Variants in DDX10 observed in about 807,000 individuals in gnomAD.
DDX10 encodes probable ATP-dependent RNA helicase DDX10.
Under a neutral mutation model 104.3 loss-of-function variants are expected in DDX10, and 74 were observed. The observed-to-expected ratio is 0.71, with a 90% CI of 0.59 to 0.86. The LOEUF is 0.86. DDX10 is among the 40% of genes least tolerant of loss of function. DDX10 has a pLI of 0.00. For synonymous variants in DDX10, 351 were observed against 353.4 expected (o/e 0.99, Z 0.08); for missense variants, 952 against 1,040.0 (o/e 0.92, Z 1.16).
chr11:108,687,816 A>G (rs907947131), intron 6 of DDX10, among the ~76,000 whole-genome samples: 3 of 152,158 alleles, frequency 2.0e-5, no homozygotes, highest in African/African-American at 7.2e-5. Context: ...CCCTTTGTGG[A>G]TCATAACTTA....
chr11:108,937,393 G>C (rs370844283), intron 17 of DDX10, among the ~76,000 whole-genome samples: 2 of 152,052 alleles, frequency 1.3e-5, no homozygotes, highest in African/African-American at 4.8e-5. Context: ...TCAATTTCTC[G>C]GATTATTTTG....
intron 13 of DDX10, among the ~76,000 whole-genome samples, chr11:108,836,837 CCTT>C (rs1389403374): frequency 6.6e-6 from 1 of 152,122 alleles, no homozygotes; most frequent in Non-Finnish European, 1.5e-5. Flanking sequence ...GTTAATATCT[CCTT>C]ATTAAATGAT....
chr11:108,867,866 G>A (rs1404204819), intron 16 of DDX10, among the ~76,000 whole-genome samples: 2 of 152,098 alleles, frequency 1.3e-5, no homozygotes, highest in South Asian at 2.1e-4. Context: ...GGACCCAGAG[G>A]GCACTACTTT....
At chr11:108,823,761 T>C (rs191418506) in intron 13 of DDX10, among the ~76,000 whole-genome samples, 20 of 152,380 alleles carry the variant, frequency 1.3e-4, no homozygotes, top group Admixed American at 5.2e-4. Flanking sequence ...AACTCTGCTT[T>C]AAGCCGCACT....
At chr11:108,830,725 T>G (rs1351993126) in intron 13 of DDX10, among the ~76,000 whole-genome samples, 6 of 151,980 alleles carry the variant, frequency 3.9e-5, no homozygotes, top group Non-Finnish European at 7.3e-5. Context: ...GCTATGTCCC[T>G]TCTTTGCTAA....
chr11:108,671,162 G>C (rs1189412961), intron 1 of DDX10, among the ~76,000 whole-genome samples: 1 of 152,140 alleles, frequency 6.6e-6, no homozygotes, highest in Non-Finnish European at 1.5e-5. Context: ...ATAAAGGGAA[G>C]GAGAAAGAGT....
intron 16 of DDX10, among the ~76,000 whole-genome samples, chr11:108,869,401 A>G (rs1031266783): frequency 6.6e-6 from 1 of 152,124 alleles, no homozygotes; most frequent in Non-Finnish European, 1.5e-5. Context: ...TGATATTTGA[A>G]CTTCAGAAAC....
At chr11:108,775,699 C>G (rs185113319) in intron 13 of DDX10, among the ~76,000 whole-genome samples, 210 of 152,204 alleles carry the variant, frequency 1.4e-3, no homozygotes, top group African/African-American at 4.9e-3. Context: ...GTTACTTTCT[C>G]AATATAAATC....
intron 16 of DDX10, among the ~76,000 whole-genome samples, chr11:108,872,828 C>A (rs904193629): frequency 3.3e-5 from 5 of 150,684 alleles, no homozygotes; most frequent in Admixed American, 6.6e-5. Flanking sequence ...GTTCCCCCCC[C>A]CTCCCATTTC....
chr11:108,928,470 A>G (rs944457552), intron 17 of DDX10, among the ~76,000 whole-genome samples: 1 of 151,942 alleles, frequency 6.6e-6, no homozygotes, highest in Non-Finnish European at 1.5e-5. Flanking sequence ...TAGTTTTGGA[A>G]TATTGATCTA....
chr11:108,852,093 T>G, intron 15 of DDX10, 60 bp from the exon 16 acceptor site: 1 of 1,282,502 alleles, frequency 7.8e-7, no homozygotes, highest in Non-Finnish European at 1.1e-6. Context: ...GTAATGAATG[T>G]GTAGTCTGTT....
chr11:108,686,072 C>A (rs921628071), intron 6 of DDX10, among the ~76,000 whole-genome samples: 73 of 152,238 alleles, frequency 4.8e-4, no homozygotes, highest in African/African-American at 1.7e-3. Flanking sequence ...ATAGATATGG[C>A]CTATTTCTTC....
chr11:108,769,726 T>G (rs1259691631), intron 13 of DDX10, among the ~76,000 whole-genome samples: 2 of 152,184 alleles, frequency 1.3e-5, no homozygotes, highest in Non-Finnish European at 2.9e-5. Flanking sequence ...AGGTCCTATT[T>G]TATATTTGCT....
intron 13 of DDX10, among the ~76,000 whole-genome samples, chr11:108,764,082 C>A (rs1222857009): frequency 6.6e-6 from 1 of 152,140 alleles, no homozygotes; most frequent in African/African-American, 2.4e-5. Context: ...AATGGAAAAT[C>A]TTTAGAACTT....
chr11:108,884,351 C>G (rs558483525), intron 16 of DDX10, among the ~76,000 whole-genome samples: 3 of 152,244 alleles, frequency 2.0e-5, no homozygotes, highest in African/African-American at 7.2e-5. Context: ...TTGATGATCC[C>G]TATTCTAGAA....
intron 9 of DDX10, among the ~76,000 whole-genome samples, chr11:108,697,424 A>G (rs776833438): frequency 3.3e-5 from 5 of 152,188 alleles, no homozygotes; most frequent in Admixed American, 6.5e-5. Flanking sequence ...CAATTGAACT[A>G]TAATATATCG....
intron 16 of DDX10, among the ~76,000 whole-genome samples, chr11:108,871,694 G>A (rs1359312415): frequency 2.0e-5 from 3 of 152,108 alleles, no homozygotes; most frequent in Non-Finnish European, 4.4e-5. Flanking sequence ...TTGGCAGGCC[G>A]AGGTGGGTGT....
chr11:108,725,628 T>G (rs1323402801), intron 13 of DDX10, among the ~76,000 whole-genome samples: 1 of 152,108 alleles, frequency 6.6e-6, no homozygotes, highest in African/African-American at 2.4e-5. Flanking sequence ...CTTCAAGTCT[T>G]TTGTCTCTCT....
At chr11:108,727,712 T>C (rs899338980) in intron 13 of DDX10, 1 of 156,398 alleles carries the variant, frequency 6.4e-6, no homozygotes, top group African/African-American at 2.4e-5. Flanking sequence ...TTTTTTAAAA[T>C]GTTAACTACT....
Sources: gnomAD v4.1 joint callset for allele counts (sites outside exome capture counted in the v4.1 genomes callset) on GRCh38, gnomAD v4.1.1 for gene constraint, MANE v1.5 for transcripts, NCBI Gene and HGNC (gene_info 2026-07-23, HGNC 2026-07-21) for gene names.